MERTK: variants seen among roughly 807,000 people sequenced by gnomAD.
MERTK encodes MER proto-oncogene, tyrosine kinase.
A neutral mutation model predicts 99.3 loss-of-function variants in MERTK; 69 were observed. The observed-to-expected ratio is 0.70, with a 90% CI of 0.57 to 0.85. MERTK has a LOEUF of 0.85. Among genes scored for constraint, MERTK ranks in the 40% least tolerant of loss-of-function variants. MERTK has a pLI of 0.00. For missense variants in MERTK, 1,125 were observed against 1,249.4 expected, an observed-to-expected ratio of 0.90 and a Z score of 1.50; for synonymous variants, 426 against 467.6, an observed-to-expected ratio of 0.91 and a Z score of 1.15.
In MERTK at chr2:111,898,614, A is replaced by T; in HGVS notation, c.-122A>T. 8.7e-7 allele frequency: 1 copy of T among 1,155,276 alleles called. No homozygotes were observed. Among genetic ancestry groups the T allele is most frequent in the Non-Finnish European group, 1.2e-6 (1 of 804,684 alleles). The allele number at this position is 1,155,276 out of a possible 1,614,324, so 71.6% of individuals were successfully genotyped here. ...CGGCCGCTTGGCTCCGCCACTCGGC[A>T]CTCACTGCCCGGGCCGCCCGGACAG... On this transcript the variant is annotated 5_prime_UTR_variant, in exon 1 of 19. Transcript: ENST00000295408.
intron 1 of MERTK, among the ~76,000 whole-genome samples, chr2:111,915,664 A>G (rs13385860): frequency 0.46 from 70,461 of 151,904 alleles, 16,500 homozygotes; most frequent in East Asian, 0.74. Flanking sequence ...GGGAGGCTGA[A>G]GCGGGTGGAT....
intron 6 of MERTK, among the ~76,000 whole-genome samples, chr2:111,971,393 G>A (rs141516116): frequency 3.3e-5 from 5 of 151,248 alleles, no homozygotes; most frequent in African/African-American, 9.7e-5. Flanking sequence ...GTTTTGTAAG[G>A]TAGAGGTTAG....
chr2:111,989,722 C>T (rs1017534761), intron 8 of MERTK, among the ~76,000 whole-genome samples: 5 of 152,120 alleles, frequency 3.3e-5, no homozygotes, highest in East Asian at 1.9e-4. Context: ...CAAGTACCAC[C>T]GCAGTTGCCC....
chr2:111,941,160 G>A lies in MERTK; in HGVS notation c.483-3800G>A, dbSNP rs566398619. 3.0e-5 allele frequency: 10 copies of A among 335,324 alleles called. No homozygotes were observed. In the Admixed American group the frequency reaches 3.9e-4, roughly 13 times the overall value. The allele number at this position is 335,324 out of a possible 1,614,324, so 20.8% of individuals were successfully genotyped here. ...TTCTTTTTCCTACCTTCACCTTGAG[G>A]TAGTTTGGCTGGGTACAGAGTTCGA... On this transcript the variant is annotated intron_variant, in intron 2 of 18. Transcript: ENST00000295408.
At chr2:111,982,755 GAAAACCAA>G (rs1676397715) in intron 7 of MERTK, 79 bp from the exon 8 acceptor site, 2 of 1,488,918 alleles carry the variant, frequency 1.3e-6, no homozygotes, top group South Asian at 2.3e-5. Flanking sequence ...TAGAGCATTT[GAAAACCAA>G]ACACTTGAAA....
At position 112,028,810 on chromosome 2, in the gene MERTK, C is replaced by G. The variant is rs754685974; in HGVS notation, c.2946C>G (p.Pro982=). ...TGCTGCCCTTGGGAAGCTCATTGCC[C>G]GATGAACTTTTGTTTGCTGACGACT... is the stretch of plus-strand genomic sequence containing the variant. The part of the protein sequence containing the change: ...SSMLPLGSSL[P]DELLFADDSS... The change falls in exon 19 of 19, where the codon CCC becomes CCG. Residue 982 remains proline (P), a synonymous_variant. Coordinates refer to ENST00000295408, the MANE Select transcript of MERTK (RefSeq NM_006343.3). 1 of 1,613,956 alleles carries G rather than the reference C, an allele frequency of 6.2e-7. No individual in the cohort carries two copies. The highest frequency in any genetic ancestry group is 1.7e-5 in the Admixed American group (1 of 60,000).
chr2:111,991,007 G>A (rs1573624535), intron 8 of MERTK, among the ~76,000 whole-genome samples: 1 of 152,128 alleles, frequency 6.6e-6, no homozygotes, highest in South Asian at 2.1e-4. Flanking sequence ...CCAGTGTTCC[G>A]CATCAGGCCG....
chr2:111,997,678 G>C (rs1676779407), intron 10 of MERTK, among the ~76,000 whole-genome samples: 1 of 152,214 alleles, frequency 6.6e-6, no homozygotes, highest in Admixed American at 6.5e-5. Context: ...GGCCTGAAAA[G>C]GGTTCCTTTA....
intron 1 of MERTK, among the ~76,000 whole-genome samples, chr2:111,899,577 G>A (rs1684004526): frequency 6.6e-6 from 1 of 152,036 alleles, no homozygotes. Context: ...GAGTGCCGCG[G>A]CGCGATCTCG....
chr2:111,956,056 A>G lies in MERTK; in HGVS notation c.757+8489A>G, dbSNP rs1023674520. On this transcript the variant is annotated intron_variant, in intron 4 of 18. Transcript: ENST00000295408. The stretch of plus-strand genomic sequence containing the variant: ...TGGATGCAGCAAACCAACATGGCAC[A>G]TGTATACATATGTAACAAACCTGCA... Among the ~76,000 whole-genome samples the G allele has an allele frequency of 2.6e-5, 4 of 152,126 alleles. No homozygotes were observed. The South Asian group carries it at 6.2e-4, about 24-fold the overall frequency.
At chr2:111,911,425 G>A (rs1170561004) in intron 1 of MERTK, among the ~76,000 whole-genome samples, 4 of 151,684 alleles carry the variant, frequency 2.6e-5, no homozygotes, top group Non-Finnish European at 5.9e-5. Context: ...GTCTCACTCT[G>A]TTGCCCAGGC....
At position 111,994,364 on chromosome 2, in the gene MERTK, G is replaced by C. The variant is rs765184359; in HGVS notation, c.1410G>C (p.Gly470=). The change falls in exon 9 of 19, where the codon GGG becomes GGC. Residue 470 remains glycine (G), a synonymous_variant. Coordinates refer to ENST00000295408, the MANE Select transcript of MERTK (RefSeq NM_006343.3). ...CAGCCGTCACCAGAGGGGGAGTTGG[G>C]CCCTTCAGTGATCCAGTGAAAATAT... ...RIAAVTRGGV[G]PFSDPVKIFI... 3.7e-6 allele frequency: 6 copies of C among 1,614,196 alleles called. No individual in the cohort carries two copies. The South Asian group carries it at 5.5e-5, about 15-fold the overall frequency.
Position 112,025,004 on chromosome 2 carries a change from C to T in MERTK, c.2486+2610C>T, listed in dbSNP as rs1246147233. 4 of 154,496 alleles carry T rather than the reference C, an allele frequency of 2.6e-5. 1 individual carries two copies. Among genetic ancestry groups the T allele is most frequent in the South Asian group, 4.1e-4 (2 of 4,918 alleles). The allele number at this position is 154,496 out of a possible 1,614,324, so 9.6% of individuals were successfully genotyped here. On this transcript the variant is annotated intron_variant, in intron 18 of 18. Coordinates refer to ENST00000295408, the MANE Select transcript of MERTK (RefSeq NM_006343.3). ...TTCACATGATGGCTGAAATAGTAAA[C>T]GTGAGGGAAAGGTCAGTGACTCTTC...
Position 111,929,317 on chromosome 2 carries a change from G to C in MERTK, c.259G>C (p.Glu87Gln), listed in dbSNP as rs751346459. 6 of 1,614,028 alleles carry C rather than the reference G, an allele frequency of 3.7e-6. No homozygotes were observed. In the Admixed American group the frequency reaches 1.0e-4, roughly 27 times the overall value. Residue 87 changes from glutamate (E) to glutamine (Q), a missense_variant, in exon 2 of 19, where the codon GAA becomes CAA. Transcript: ENST00000295408. ...AGCCATTCCCCAGGTGACCTCTGTCGAATCAAAGCCCCTACCGCCTCTTGC... is the reference window on the plus strand; with the variant it reads ...AGCCATTCCCCAGGTGACCTCTGTCCAATCAAAGCCCCTACCGCCTCTTGC... ...NVAIPQVTSV[E>Q]SKPLPPLAFK... is the part of the protein sequence containing the mutation.
chr2:111,995,533 C>G (rs1241494600), intron 9 of MERTK: 1 of 188,414 alleles, frequency 5.3e-6, no homozygotes, highest in Non-Finnish European at 1.1e-5. Flanking sequence ...GAAACTTGCT[C>G]TCCCTTTTGG....
intron 2 of MERTK, among the ~76,000 whole-genome samples, chr2:111,932,855 T>C (rs1026741070): frequency 2.0e-5 from 3 of 152,124 alleles, no homozygotes; most frequent in Non-Finnish European, 4.4e-5. Context: ...GATGGGAGGT[T>C]ATCTTGGGGC....
chr2:112,024,215 T>C (rs180793579), intron 18 of MERTK, among the ~76,000 whole-genome samples: 1 of 152,362 alleles, frequency 6.6e-6, no homozygotes, highest in African/African-American at 2.4e-5. Context: ...TCAAACAATG[T>C]TGACTATGGA....
intron 17 of MERTK, 117 bp from the exon 18 acceptor site, chr2:112,022,141 A>C: frequency 7.0e-7 from 1 of 1,438,686 alleles, no homozygotes. Context: ...CTCACACATA[A>C]TTGCCAGCTT....
intron 7 of MERTK, among the ~76,000 whole-genome samples, chr2:111,978,608 G>A (rs565234108): frequency 7.9e-5 from 12 of 152,112 alleles, no homozygotes; most frequent in Admixed American, 2.6e-4. Context: ...ATGAGCCACC[G>A]TGCCCAGCCT....
Sources: allele counts gnomAD v4.1 joint callset (sites outside exome capture counted in the v4.1 genomes callset), GRCh38; gene constraint gnomAD v4.1.1; transcripts MANE v1.5; gene names NCBI Gene and HGNC (gene_info 2026-07-23, HGNC 2026-07-21).